The following KIF1A variants were observed in gnomAD, a reference collection of about 807,000 sequenced individuals.
The protein encoded by KIF1A is kinesin family member 1A, also known as kinesin-like protein KIF1A.
A neutral mutation model predicts 227.3 loss-of-function variants in KIF1A; 46 were observed. That is an observed-to-expected ratio of 0.20 (90% confidence interval 0.16 to 0.26). KIF1A has a LOEUF of 0.26. Ranked by LOEUF, KIF1A falls within the 10% of genes least tolerant of loss-of-function variation. The pLI is 1.00. For missense variants in KIF1A, 1,683 were observed against 2,485.9 expected (o/e 0.68, Z 6.87); for synonymous variants, 1,022 against 1,012.8 (o/e 1.01, Z -0.17).
Position 240,766,745 on chromosome 2 carries a change from T to TCA in KIF1A, c.1684+169_1684+170insTG, listed in dbSNP as rs1263248431. Among the ~76,000 whole-genome samples, 300 of 127,026 alleles carry TCA rather than the reference T, an allele frequency of 2.4e-3. 1 individual carries two copies. Among genetic ancestry groups the TCA allele is most frequent in the Middle Eastern group, 4.0e-3 (1 of 252 alleles). The allele number at this position is 127,026 out of a possible 152,430, so 83.3% of individuals were successfully genotyped here. On this transcript the variant is annotated intron_variant, in intron 19 of 48. Transcript: ENST00000498729. This position sits in a 1 kb window ranked among gnomAD's most constrained non-coding sequence, Gnocchi z 5.0. ...AAATCTCTCTCTCTCTCTCTCTCTC[T>TCA]CTCTCACACACACACACACACACAC... is the stretch of plus-strand genomic sequence containing the variant.
At chr2:240,727,655 T>C (rs1380383558) in intron 38 of KIF1A, among the ~76,000 whole-genome samples, 1 of 152,132 alleles carries the variant, frequency 6.6e-6, no homozygotes, top group African/African-American at 2.4e-5. Context: ...GTTCCTAATC[T>C]CCACCCTGGA....
In KIF1A at chr2:240,788,299, C is replaced by T. The variant is rs974629737; in HGVS notation, c.184-69G>A. Reference sequence around the variant, plus strand: ...TCCGAGGCTCAGCCCATCATGTCTGCGGAGCCAGGGGATGCCCAGGGCCTC... The same window carrying T: ...TCCGAGGCTCAGCCCATCATGTCTGTGGAGCCAGGGGATGCCCAGGGCCTC... On this transcript the variant is annotated intron_variant, in intron 3 of 48. Coordinates refer to ENST00000498729, the MANE Select transcript of KIF1A (RefSeq NM_001244008.2). The surrounding 1 kb of genome is among the most constrained non-coding windows in gnomAD (Gnocchi z 6.6). 2.4e-5 allele frequency: 35 copies of T among 1,484,114 alleles called. 1 individual carries two copies. The South Asian group carries it at 3.3e-4, about 14-fold the overall frequency. The allele number at this position is 1,484,114 out of a possible 1,614,324, so 91.9% of individuals were successfully genotyped here.
Position 240,786,799 on chromosome 2 carries a change from G to A in KIF1A, c.430-286C>T, listed in dbSNP as rs112108214. On this transcript the variant is annotated intron_variant, in intron 5 of 48. Coordinates refer to ENST00000498729, the MANE Select transcript of KIF1A (RefSeq NM_001244008.2). ...CAGGACCCCTGAGTGAGGGGGTGGG[G>A]GCTGCCATCAGGACCCCTGAGTGAG... Among the ~76,000 whole-genome samples, 1,656 of 131,800 alleles carry A rather than the reference G, an allele frequency of 0.013. 102 individuals are homozygous for A. Among genetic ancestry groups the A allele is most frequent in the Non-Finnish European group, 0.021 (1,198 of 58,172 alleles). The allele number at this position is 131,800 out of a possible 152,430, so 86.5% of individuals were successfully genotyped here. A position where few individuals can be genotyped will look rare whatever the true frequency, so the allele number is the denominator to read the frequency against.
At chr2:240,773,051 T>C (rs745572519) in intron 13 of KIF1A, 63 bp downstream of exon 13, 9 of 1,501,840 alleles carry the variant, frequency 6.0e-6, no homozygotes, top group Non-Finnish European at 7.2e-6. Context: ...TGTGATGACC[T>C]GCGAGGCCCC....
chr2:240,782,441 G>A (rs563572687), intron 10 of KIF1A, 149 bp downstream of exon 10: 8 of 995,078 alleles, frequency 8.0e-6, no homozygotes, highest in African/African-American at 3.3e-5. Context: ...TCCCACACCC[G>A]CTTTCTTCCT....
At chr2:240,722,418 C>G (rs1251613703) in intron 43 of KIF1A, 38 bp downstream of exon 43, 1 of 1,537,180 alleles carries the variant, frequency 6.5e-7, no homozygotes, top group East Asian at 2.4e-5. Flanking sequence ...CCTTGAGGGC[C>G]TGGGGCTACG....
intron 10 of KIF1A, among the ~76,000 whole-genome samples, chr2:240,780,239 G>A (rs185560422): frequency 4.4e-4 from 67 of 151,662 alleles, no homozygotes; most frequent in Non-Finnish European, 7.5e-4. Flanking sequence ...ACCGCTCCCC[G>A]AGCAGCTGCA....
intron 27 of KIF1A, among the ~76,000 whole-genome samples, chr2:240,756,794 G>C (rs1455396213): frequency 2.6e-5 from 4 of 152,206 alleles, no homozygotes; most frequent in African/African-American, 9.7e-5. Context: ...AGAGCAGCCG[G>C]GAGCCTCTGT....
In KIF1A at chr2:240,739,981, G is replaced by T. The variant is rs1000041763; in HGVS notation, c.3901+77C>A. The stretch of plus-strand genomic sequence containing the variant: ...AGACGCAGAGGTGTGGTTAGAACCC[G>T]GGTATCCAGCTCAGGGCCTGTACTC... On this transcript the variant is annotated intron_variant, in intron 37 of 48. Transcript: ENST00000498729. This position sits in a 1 kb window ranked among gnomAD's most constrained non-coding sequence, Gnocchi z 5.6. 8.6e-7 allele frequency: 1 copy of T among 1,157,258 alleles called. No homozygotes were observed. Among genetic ancestry groups the T allele is most frequent in the East Asian group, 2.6e-5 (1 of 38,764 alleles). The allele number at this position is 1,157,258 out of a possible 1,614,324, so 71.7% of individuals were successfully genotyped here.
intron 33 of KIF1A, among the ~76,000 whole-genome samples, chr2:240,743,420 T>G (rs2048228602): frequency 6.6e-6 from 1 of 152,198 alleles, no homozygotes; most frequent in Admixed American, 6.5e-5. Flanking sequence ...GGGGTCGGCT[T>G]GGCCCAGGGT....
intron 10 of KIF1A, among the ~76,000 whole-genome samples, chr2:240,781,558 T>C (rs537100227): frequency 1.5e-4 from 22 of 151,716 alleles, no homozygotes; most frequent in African/African-American, 5.1e-4. Context: ...AGCGGATCGT[T>C]CTCCGCTTCC....
intron 45 of KIF1A, 146 bp from the exon 46 acceptor site, chr2:240,720,072 C>T (rs772628882): frequency 8.9e-6 from 6 of 675,812 alleles, no homozygotes; most frequent in Non-Finnish European, 1.3e-5. Context: ...ACAGTGGGAG[C>T]TCCCGGGGCC....
intron 37 of KIF1A, 59 bp from the exon 38 acceptor site, chr2:240,737,227 G>A (rs2047438095): frequency 5.9e-6 from 8 of 1,353,582 alleles, no homozygotes; most frequent in Admixed American, 5.0e-5. Context: ...GACCCTGGGG[G>A]GCTGCCTCAG....
At chr2:240,773,042 GTGA>G (rs2052220060) in intron 13 of KIF1A, 69 bp downstream of exon 13, 2 of 1,468,836 alleles carry the variant, frequency 1.4e-6, no homozygotes, top group African/African-American at 2.8e-5. Context: ...GAGAGAGGAT[GTGA>G]TGACCTGCGA....
At position 240,757,649 on chromosome 2, in the gene KIF1A, G is replaced by C. The variant is rs938154383; in HGVS notation, c.2583-55C>G. The C allele has an allele frequency of 9.8e-6, 15 of 1,526,632 alleles. 1 individual carries two copies. The Admixed American group carries it at 1.6e-4, about 17-fold the overall frequency. The allele number at this position is 1,526,632 out of a possible 1,614,324, so 94.6% of individuals were successfully genotyped here. On this transcript the variant is annotated intron_variant, in intron 26 of 48. Transcript: ENST00000498729. This position sits in a 1 kb window ranked among gnomAD's most constrained non-coding sequence, Gnocchi z 6.2. ...GTTAACACCAGCGACTCGCAGGGACGAACAGGGGCCGGGGCCGGGGCTGGG... is the reference window on the plus strand; with the variant it reads ...GTTAACACCAGCGACTCGCAGGGACCAACAGGGGCCGGGGCCGGGGCTGGG...
chr2:240,766,743 T>TCACACACACACACACA lies in KIF1A; in HGVS notation c.1684+171_1684+172insTGTGTGTGTGTGTGTG, dbSNP rs780626531. Among the ~76,000 whole-genome samples the TCACACACACACACACA allele has an allele frequency of 5.6e-5, 7 of 125,596 alleles. No homozygotes were observed. In the East Asian group the frequency reaches 8.5e-4, roughly 15 times the overall value. 82.4% of individuals were successfully genotyped at this position (125,596 alleles called of 152,430 possible). On this transcript the variant is annotated intron_variant, in intron 19 of 48. Coordinates refer to ENST00000498729, the MANE Select transcript of KIF1A (RefSeq NM_001244008.2). The surrounding 1 kb of genome is among the most constrained non-coding windows in gnomAD (Gnocchi z 5.0). The stretch of plus-strand genomic sequence containing the variant: ...CCAAATCTCTCTCTCTCTCTCTCTC[T>TCACACACACACACACA]CTCTCTCACACACACACACACACAC...
intron 37 of KIF1A, 130 bp from the exon 38 acceptor site, chr2:240,737,298 G>T (rs1354963238): frequency 9.7e-6 from 7 of 718,726 alleles, no homozygotes; most frequent in Non-Finnish European, 1.8e-5. Flanking sequence ...GTCAAAGGCG[G>T]TGCCAGGGGG....
intron 38 of KIF1A, among the ~76,000 whole-genome samples, chr2:240,728,063 C>G (rs888508446): frequency 1.3e-5 from 2 of 152,222 alleles, no homozygotes; most frequent in Middle Eastern, 3.2e-3. Flanking sequence ...TCAACACACA[C>G]AGCTGGGCGG....
chr2:240,740,190 C>G lies in KIF1A; in HGVS notation c.3817-48G>C. On this transcript the variant is annotated intron_variant, in intron 36 of 48. Coordinates refer to ENST00000498729, the MANE Select transcript of KIF1A (RefSeq NM_001244008.2). The surrounding 1 kb of genome is among the most constrained non-coding windows in gnomAD (Gnocchi z 6.1). ...TATGGTCAGACGGCTCAGGGGGCTA[C>G]GTAGGGTGAGGGAGGGGGACACAGG... The G allele has an allele frequency of 1.9e-6, 3 of 1,572,612 alleles. No homozygotes were observed. The highest frequency in any genetic ancestry group is 2.6e-6 in the Non-Finnish European group (3 of 1,153,512).
Sources: allele counts gnomAD v4.1 joint callset (sites outside exome capture counted in the v4.1 genomes callset), GRCh38; gene constraint gnomAD v4.1.1; non-coding constraint Gnocchi (gnomAD v3.1); transcripts MANE v1.5; gene names NCBI Gene and HGNC (gene_info 2026-07-23, HGNC 2026-07-21).